Variants in MYRFL observed in about 807,000 individuals in gnomAD.
The protein encoded by MYRFL is myelin regulatory factor like.
In MYRFL, 88 loss-of-function variants were observed where a neutral mutation model predicts 109.4. That is an observed-to-expected ratio of 0.80 (90% CI 0.68 to 0.96). MYRFL has a LOEUF of 0.96. Ranked by LOEUF, MYRFL falls within the 40% of genes least tolerant of loss-of-function variation. The pLI, the probability that MYRFL is intolerant of heterozygous loss-of-function variation, is 0.00. For synonymous variants in MYRFL, 324 were observed against 320.9 expected (o/e 1.01, Z -0.10); for missense variants, 957 against 954.9 (o/e 1.00, Z -0.03).
intron 13 of MYRFL, among the ~76,000 whole-genome samples, chr12:69,923,617 A>G (rs1954978641): frequency 6.6e-6 from 1 of 152,138 alleles, no homozygotes; most frequent in Admixed American, 6.5e-5. Flanking sequence ...CTATGTGTGT[A>G]TAATCCATCA....
intron 2 of MYRFL, among the ~76,000 whole-genome samples, chr12:69,857,922 A>G (rs903573708): frequency 1.3e-5 from 2 of 151,814 alleles, no homozygotes; most frequent in Admixed American, 6.6e-5. Context: ...GTGAGACTAG[A>G]CATATTTGCC....
At chr12:69,853,155 G>C (rs1260362769) in intron 1 of MYRFL, among the ~76,000 whole-genome samples, 1 of 151,832 alleles carries the variant, frequency 6.6e-6, no homozygotes, top group African/African-American at 2.4e-5. Flanking sequence ...CTTCCCAGAC[G>C]GGGCGGCTAG....
At chr12:69,910,795 A>G (rs1366358375) in intron 12 of MYRFL, 26 bp from the exon 13 acceptor site, 1 of 1,454,120 alleles carries the variant, frequency 6.9e-7, no homozygotes, top group African/African-American at 1.4e-5. Flanking sequence ...TTTGAAGATT[A>G]AACCTGTGGA....
chr12:69,843,729 T>G lies in MYRFL; in HGVS notation c.47-11551T>G, dbSNP rs80021800. Among the ~76,000 whole-genome samples, 851 of 152,308 alleles carry G rather than the reference T, an allele frequency of 5.6e-3. 13 individuals are homozygous for G. Among genetic ancestry groups the G allele is most frequent in the African/African-American group, 0.019 (792 of 41,560 alleles). ...GTCTTCCTACGGCCAAGAGCAGCAG[T>G]ACATGTTACTGTCTTACAGCTCTTG... On this transcript the variant is annotated intron_variant, in intron 1 of 24. Transcript: ENST00000552032.
Position 69,926,727 on chromosome 12 carries a change from A to G in MYRFL, c.1759A>G (p.Thr587Ala). ...SWKSSASEAS[T>A]ISKSSRAVSA... ...GAAGTCATCAGCCAGTGAAGCAAGC[A>G]CAATCAGGTACGTGCAGCCAGGATT... Residue 587 changes from threonine to alanine, a missense_variant, in exon 14 of 25, where the codon ACA (threonine) becomes GCA (alanine). Thr to Ala is a moderately conservative substitution (Grantham distance 58). Coordinates refer to ENST00000552032, the MANE Select transcript of MYRFL (RefSeq NM_182530.3). 1 of 1,489,516 alleles carries G rather than the reference A, an allele frequency of 6.7e-7. No individual in the cohort carries two copies. The allele number at this position is 1,489,516 out of a possible 1,614,324, so 92.3% of individuals were successfully genotyped here. A position where few individuals can be genotyped will look rare whatever the true frequency, so the allele number is the denominator to read the frequency against.
chr12:69,867,232 T>C (rs946635670), intron 2 of MYRFL, among the ~76,000 whole-genome samples: 1 of 152,108 alleles, frequency 6.6e-6, no homozygotes, highest in African/African-American at 2.4e-5. Context: ...TGGGACATAC[T>C]AGGAAATGTC....
rs1254358927 is a variant in MYRFL, at chr12:69,927,672, C to A, written c.1767-13C>A. The A allele has an allele frequency of 6.5e-7, 1 of 1,527,242 alleles. No homozygotes were observed. Among genetic ancestry groups the A allele is most frequent in the Admixed American group, 2.0e-5 (1 of 49,160 alleles). 94.6% of individuals were successfully genotyped at this position (1,527,242 alleles called of 1,614,324 possible). A position where few individuals can be genotyped will look rare whatever the true frequency, so the allele number is the denominator to read the frequency against. On this transcript the variant is annotated splice_polypyrimidine_tract_variant and intron_variant, in intron 14 of 24. Transcript: ENST00000552032. ...GTATTTGAATAGTAACCAATTTTCT[C>A]TCTCTTTTAAAGCAAATCTAGCAGA...
intron 19 of MYRFL, among the ~76,000 whole-genome samples, chr12:69,938,834 G>A (rs1459946490): frequency 3.3e-5 from 5 of 152,048 alleles, no homozygotes; most frequent in African/African-American, 7.2e-5. Flanking sequence ...CAGTGGGTGC[G>A]CGCACCGTGC....
chr12:69,953,114 A>C (rs1956020759), intron 21 of MYRFL, among the ~76,000 whole-genome samples: 1 of 152,188 alleles, frequency 6.6e-6, no homozygotes. Context: ...CTCCTGGTTT[A>C]ATGGATGGGT....
chr12:69,914,507 G>A (rs993853135), intron 13 of MYRFL, among the ~76,000 whole-genome samples: 1 of 152,164 alleles, frequency 6.6e-6, no homozygotes, highest in Non-Finnish European at 1.5e-5. Context: ...AAGTGTTCCT[G>A]AGTGGCAATG....
chr12:69,897,191 A>G lies in MYRFL; in HGVS notation c.1127A>G (p.Asn376Ser), dbSNP rs757372036. 2.4e-5 allele frequency: 37 copies of G among 1,535,726 alleles called. No homozygotes were observed. Among genetic ancestry groups the G allele is most frequent in the Non-Finnish European group, 3.0e-5 (34 of 1,146,698 alleles). Residue 376 changes from asparagine to serine, a missense_variant, in exon 10 of 25, where the codon AAC becomes AGC. Asn to Ser is a conservative substitution (Grantham distance 46). Transcript: ENST00000552032. ...FMLVVGLYAA[N>S]QDQFYLLSAH... ...TTGGTGGTTGGACTGTATGCTGCTA[A>G]CCAAGACCAGTTCTATCTGTTGTCT...
intron 19 of MYRFL, among the ~76,000 whole-genome samples, chr12:69,950,238 C>G (rs1955942903): frequency 6.6e-6 from 1 of 152,144 alleles, no homozygotes; most frequent in African/African-American, 2.4e-5. Flanking sequence ...TTTACCCACT[C>G]TCTCCACTGC....
chr12:69,882,202 G>A lies in MYRFL; in HGVS notation c.556+1910G>A, dbSNP rs145653782. ...GCAGATAGGAAATCCTATATCCCTT[G>A]TTTAAGTCCTATTCACAGGTCACTG... On this transcript the variant is annotated intron_variant, in intron 5 of 24. Transcript: ENST00000552032. Among the ~76,000 whole-genome samples the A allele has an allele frequency of 4.5e-4, 68 of 152,092 alleles. No homozygotes were observed. In the East Asian group the frequency reaches 0.012, roughly 27 times the overall value.
intron 13 of MYRFL, among the ~76,000 whole-genome samples, chr12:69,925,775 G>A (rs1444926378): frequency 1.2e-5 from 1 of 86,952 alleles, no homozygotes; most frequent in African/African-American, 4.9e-5. Flanking sequence ...GAAGAAATAT[G>A]TGCTTTAAAA....
intron 1 of MYRFL, among the ~76,000 whole-genome samples, chr12:69,842,914 G>A (rs1011434272): frequency 6.6e-6 from 1 of 152,144 alleles, no homozygotes; most frequent in African/African-American, 2.4e-5. Flanking sequence ...CCCTCTCACT[G>A]GACCGTGAGC....
At chr12:69,935,835 G>A in intron 16 of MYRFL, 2 of 434,924 alleles carry the variant, frequency 4.6e-6, no homozygotes, top group Non-Finnish European at 8.1e-6. Flanking sequence ...AGGCACCTCT[G>A]AGACAGCTTG....
chr12:69,927,196 C>T (rs781721657), intron 14 of MYRFL, among the ~76,000 whole-genome samples: 4 of 151,938 alleles, frequency 2.6e-5, no homozygotes, highest in African/African-American at 4.8e-5. Flanking sequence ...CCACCCACCT[C>T]GGCCTCCCAA....
chr12:69,828,374 T>C (rs1882417059), intron 1 of MYRFL, among the ~76,000 whole-genome samples: 1 of 152,124 alleles, frequency 6.6e-6, no homozygotes, highest in South Asian at 2.1e-4. Context: ...TTCTATACAG[T>C]GTATGTGTGT....
chr12:69,901,891 TTG>T (rs1954200584), intron 10 of MYRFL, among the ~76,000 whole-genome samples: 2 of 149,612 alleles, frequency 1.3e-5, no homozygotes, highest in Admixed American at 1.3e-4. Context: ...CTGTTTTTTT[TTG>T]TTTTTTTTAA....
Sources: gnomAD v4.1 joint callset for allele counts (sites outside exome capture counted in the v4.1 genomes callset) on GRCh38, gnomAD v4.1.1 for gene constraint, MANE v1.5 for transcripts, NCBI Gene and HGNC (gene_info 2026-07-23, HGNC 2026-07-21) for gene names.